The following SEPTIN2 variants were observed in gnomAD, a reference collection of about 807,000 sequenced individuals.
SEPTIN2 encodes the protein septin-2.
SEPTIN2 carries 34 observed loss-of-function variants against 46.5 expected under a neutral mutation model. The observed-to-expected ratio is 0.73, with a 90% confidence interval of 0.56 to 0.97. The LOEUF is 0.97. Among genes scored for constraint, SEPTIN2 ranks in the 50% least tolerant of loss-of-function variants. The pLI, the probability that SEPTIN2 is intolerant of heterozygous loss-of-function variation, is 0.00. For missense variants in SEPTIN2, 347 were observed against 448.4 expected (o/e 0.77, Z 2.04); for synonymous variants, 175 against 153.4 (o/e 1.14, Z -1.04).
chr2:241,340,696 A>C (rs559095409), intron 7 of SEPTIN2, among the ~76,000 whole-genome samples: 1 of 152,326 alleles, frequency 6.6e-6, no homozygotes, highest in South Asian at 2.1e-4. Flanking sequence ...CGAAACATTT[A>C]GTGCTGGATT....
intron 1 of SEPTIN2, among the ~76,000 whole-genome samples, chr2:241,323,280 C>T (rs2077421944): frequency 6.6e-6 from 1 of 152,060 alleles, no homozygotes; most frequent in Non-Finnish European, 1.5e-5. Flanking sequence ...AAGCGATTCT[C>T]CTGTCTCAGC....
rs1007829322 is a variant in SEPTIN2 at position 241,326,223 on chromosome 2, A to G, written c.130+110A>G. 74 of 1,043,162 alleles carry G rather than the reference A, an allele frequency of 7.1e-5. No individual in the cohort carries two copies. The African/African-American group carries it at 1.1e-3, about 15-fold the overall frequency. The allele number at this position is 1,043,162 out of a possible 1,614,324, so 64.6% of individuals were successfully genotyped here. Reference sequence around the variant, plus strand: ...AGAAAGAGGAAAATTTGGCAGAGTCAAATAACTTGAGAATTTGAACAAATA... The same window carrying G: ...AGAAAGAGGAAAATTTGGCAGAGTCGAATAACTTGAGAATTTGAACAAATA... On this transcript the variant is annotated intron_variant, in intron 3 of 12. Transcript: ENST00000391971.
intron 7 of SEPTIN2, among the ~76,000 whole-genome samples, chr2:241,338,838 A>ATATTTATATTATTTATATATAATATAT (rs1559643511): frequency 2.0e-4 from 3 of 15,186 alleles, no homozygotes; most frequent in Admixed American, 1.6e-3. Context: ...TAATATATAT[A>ATATTTATATTATTTATATATAATATAT]ATAAATATAT....
intron 1 of SEPTIN2, chr2:241,318,415 A>T (rs2076686827): frequency 6.6e-6 from 1 of 152,218 alleles, no homozygotes; most frequent in African/African-American, 2.4e-5. Flanking sequence ...AGCTCATTTT[A>T]TCCAATCCTT....
chr2:241,337,743 A>G lies in SEPTIN2; in HGVS notation c.547A>G (p.Lys183Glu). Residue 183 changes from lysine (K) to glutamate (E), a missense_variant, in exon 7 of 13, where the codon AAA becomes GAA. Physicochemically the swap from Lys to Glu is moderately conservative, Grantham distance 56. Transcript: ENST00000391971. ...NKVNIVPVIA[K>E]ADTLTLKERE... ...GGTGAATATTGTGCCTGTCATTGCA[A>G]AAGCTGACACTCTCACCCTGAAGGA... 6.2e-7 allele frequency: 1 copy of G among 1,614,120 alleles called. No homozygotes were observed. The highest frequency in any genetic ancestry group is 8.5e-7 in the Non-Finnish European group (1 of 1,180,028).
intron 1 of SEPTIN2, 71 bp from the exon 2 acceptor site, chr2:241,324,145 A>C: frequency 1.4e-6 from 2 of 1,429,802 alleles, no homozygotes; most frequent in Non-Finnish European, 1.9e-6. Context: ...TCACGCTGTT[A>C]AATATACGTG....
At chr2:241,341,662 G>A (rs1453023692) in intron 7 of SEPTIN2, among the ~76,000 whole-genome samples, 1 of 152,210 alleles carries the variant, frequency 6.6e-6, no homozygotes, top group African/African-American at 2.4e-5. Context: ...CTTTTCTGGA[G>A]TTCTGAATTA....
chr2:241,322,004 A>T (rs2077199016), intron 1 of SEPTIN2, among the ~76,000 whole-genome samples: 1 of 152,122 alleles, frequency 6.6e-6, no homozygotes, highest in South Asian at 2.1e-4. Flanking sequence ...AAGGCTCTTG[A>T]ACCTTACTGC....
chr2:241,327,903 A>G (rs2078267436), intron 3 of SEPTIN2, among the ~76,000 whole-genome samples: 1 of 152,040 alleles, frequency 6.6e-6, no homozygotes, highest in African/African-American at 2.4e-5. Flanking sequence ...AGATATAAAA[A>G]TTAGCCAGCC....
intron 5 of SEPTIN2, 147 bp from the exon 6 acceptor site, chr2:241,337,235 A>C (rs946090752): frequency 2.6e-6 from 2 of 773,514 alleles, no homozygotes; most frequent in Admixed American, 3.3e-5. Flanking sequence ...TCCATTTGCC[A>C]AATCTAAAAG....
chr2:241,349,380 A>AT lies in SEPTIN2; in HGVS notation c.985-693_985-692insT, dbSNP rs1341222818. 1.4e-4 allele frequency among the ~76,000 whole-genome samples: 20 copies of AT among 138,872 alleles called. No homozygotes were observed. The East Asian group carries it at 2.2e-3, about 15-fold the overall frequency. 91.1% of individuals were successfully genotyped at this position (138,872 alleles called of 152,430 possible). A position where few individuals can be genotyped will look rare whatever the true frequency, so the allele number is the denominator to read the frequency against. On this transcript the variant is annotated intron_variant, in intron 11 of 12. Transcript: ENST00000391971. Reference sequence around the variant, plus strand: ...CAAGATCCCATCCCTTTAAAAAAAAAAAAATATATATATATGTATATGTAT... The same window carrying AT: ...CAAGATCCCATCCCTTTAAAAAAAAATAAAATATATATATATGTATATGTAT...
intron 1 of SEPTIN2, 152 bp from the exon 2 acceptor site, chr2:241,324,064 A>G (rs2077546382): frequency 3.1e-6 from 2 of 644,096 alleles, no homozygotes; most frequent in Non-Finnish European, 5.3e-6. Context: ...GGCCTAATGC[A>G]TTTGGAAGGT....
chr2:241,341,002 T>G (rs753813420), intron 7 of SEPTIN2, among the ~76,000 whole-genome samples: 1 of 152,190 alleles, frequency 6.6e-6, no homozygotes, highest in Non-Finnish European at 1.5e-5. Context: ...AACAGTTCAG[T>G]TCTCAGATGT....
At chr2:241,332,057 A>G (rs2079086821) in intron 3 of SEPTIN2, among the ~76,000 whole-genome samples, 1 of 152,250 alleles carries the variant, frequency 6.6e-6, no homozygotes, top group African/African-American at 2.4e-5. Context: ...CACACTGTAT[A>G]TCACAACCTG....
At chr2:241,328,634 C>T (rs1055839350) in intron 3 of SEPTIN2, among the ~76,000 whole-genome samples, 3 of 151,060 alleles carry the variant, frequency 2.0e-5, no homozygotes, top group South Asian at 2.1e-4. Context: ...CCCAGCTACT[C>T]GGGAGGCTGA....
In SEPTIN2 at chr2:241,343,253, C is replaced by T. The variant is rs555766255; in HGVS notation, c.696+160C>T. Among the ~76,000 whole-genome samples, 143 of 152,304 alleles carry T rather than the reference C, an allele frequency of 9.4e-4. 1 individual carries two copies. The highest frequency in any genetic ancestry group is 3.5e-3 in the Admixed American group (53 of 15,296). ...GTGGCTCATGCCTATAATCCCAGCA[C>T]TTTGAGAGGCCAAGGCAGATGGATC... is the stretch of plus-strand genomic sequence containing the variant. On this transcript the variant is annotated intron_variant, in intron 8 of 12. Coordinates refer to ENST00000391971, the MANE Select transcript of SEPTIN2 (RefSeq NM_004404.5).
At chr2:241,319,728 A>T (rs916702992) in intron 1 of SEPTIN2, among the ~76,000 whole-genome samples, 8 of 152,106 alleles carry the variant, frequency 5.3e-5, no homozygotes, top group Non-Finnish European at 1.0e-4. Context: ...CTTAGCTGGG[A>T]TTACGGGTGC....
intron 1 of SEPTIN2, chr2:241,317,531 G>C: frequency 2.1e-6 from 2 of 974,930 alleles, no homozygotes; most frequent in Non-Finnish European, 2.4e-6. Flanking sequence ...AAGAAGTTGT[G>C]GGTATTTTTT....
intron 7 of SEPTIN2, among the ~76,000 whole-genome samples, chr2:241,342,201 C>A (rs778231583): frequency 6.6e-6 from 1 of 152,142 alleles, no homozygotes; most frequent in Non-Finnish European, 1.5e-5. Flanking sequence ...AAATGCACCC[C>A]ATGTGTCCTC....
Sources: allele counts gnomAD v4.1 joint callset (sites outside exome capture counted in the v4.1 genomes callset), GRCh38; gene constraint gnomAD v4.1.1; transcripts MANE v1.5; gene names NCBI Gene and HGNC (gene_info 2026-07-23, HGNC 2026-07-21).